The following TRPM8 variants were observed in gnomAD, a reference collection of about 807,000 sequenced individuals.
The protein encoded by TRPM8 is TRPM8 cationic channel.
A neutral mutation model predicts 133.7 loss-of-function variants in TRPM8; 110 were observed. The ratio of observed to expected loss-of-function variants is 0.82; its 90% CI spans 0.70 to 0.96. The LOEUF is 0.96. Ranked by LOEUF, TRPM8 falls within the 40% of genes least tolerant of loss-of-function variation. TRPM8 has a pLI of 0.00. For synonymous variants in TRPM8, 535 were observed against 532.3 expected (o/e 1.01, Z -0.07); for missense variants, 1,291 against 1,379.5 (o/e 0.94, Z 1.02).
chr2:233,945,927 C>A lies in TRPM8; in HGVS notation c.771C>A (p.His257Gln), dbSNP rs1438483645. The stretch of plus-strand genomic sequence containing the variant: ...CACTGTATATCCTGGACAACAACCA[C>A]ACACATTTGCTGCTCGTGGACAATG... Reference protein sequence around the residue: ...RDPLYILDNNHTHLLLVDNGC... With the variant: ...RDPLYILDNNQTHLLLVDNGC... The change falls in exon 7 of 26, where the codon CAC becomes CAA. Residue 257 changes from histidine (H) to glutamine (Q), a missense_variant. Physicochemically the swap from His to Gln is conservative, Grantham distance 24. Around this residue, in one of 2 missense-constraint regions of TRPM8, gnomAD observed 963 missense variants for 968.9 expected, o/e 0.99. Coordinates refer to ENST00000324695, the MANE Select transcript of TRPM8 (RefSeq NM_024080.5). 6.2e-7 allele frequency: 1 copy of A among 1,614,180 alleles called. No homozygotes were observed. Among genetic ancestry groups the A allele is most frequent in the Non-Finnish European group, 8.5e-7 (1 of 1,179,998 alleles).
At chr2:234,000,645 A>T (rs1047068423) in intron 22 of TRPM8, among the ~76,000 whole-genome samples, 1 of 151,502 alleles carries the variant, frequency 6.6e-6, no homozygotes, top group Non-Finnish European at 1.5e-5. Flanking sequence ...GTGACATAGG[A>T]GCCTTCATAA....
intron 22 of TRPM8, among the ~76,000 whole-genome samples, chr2:233,998,519 G>A (rs910514990): frequency 2.0e-5 from 3 of 151,176 alleles, no homozygotes; most frequent in Admixed American, 2.0e-4. Context: ...AGCAGCCTGC[G>A]CCCAACCAGT....
Position 234,017,302 on chromosome 2 carries a change from A to G in TRPM8, c.*46A>G, listed in dbSNP as rs1185842605. The G allele has an allele frequency of 6.4e-6, 3 of 470,958 alleles. No individual in the cohort carries two copies. Among genetic ancestry groups the G allele is most frequent in the African/African-American group, 4.0e-5 (2 of 50,074 alleles). 29.2% of individuals were successfully genotyped at this position (470,958 alleles called of 1,614,324 possible). On this transcript the variant is annotated 3_prime_UTR_variant, in exon 26 of 26. Transcript: ENST00000324695. ...TGTTCTTTCTTTGTTTTTACAGATC[A>G]TATTAAGGAATGCTGATGAACAATT...
chr2:233,939,102 C>G lies in TRPM8; in HGVS notation c.453C>G (p.Gly151=), dbSNP rs1276689507. Residue 151 remains glycine, a synonymous_variant, in exon 5 of 26, where the codon GGC becomes GGG. Coordinates refer to ENST00000324695, the MANE Select transcript of TRPM8 (RefSeq NM_024080.5). ...TPNLVISVTG[G]AKNFALKPRM... is the part of the protein sequence containing the mutation. ...ACCTGGTCATTTCTGTGACCGGGGGCGCCAAGAACTTCGCCCTGAAGCCGC... is the reference window on the plus strand; with the variant it reads ...ACCTGGTCATTTCTGTGACCGGGGGGGCCAAGAACTTCGCCCTGAAGCCGC... The G allele has an allele frequency of 4.3e-6, 7 of 1,614,054 alleles. No homozygotes were observed. The African/African-American group carries it at 8.0e-5, about 18-fold the overall frequency.
intron 15 of TRPM8, among the ~76,000 whole-genome samples, chr2:233,967,669 T>C (rs577447496): frequency 6.6e-6 from 1 of 152,340 alleles, no homozygotes; most frequent in African/African-American, 2.4e-5. Context: ...CATTTACTAC[T>C]GCAACTAAGC....
intron 6 of TRPM8, 162 bp downstream of exon 6, chr2:233,942,910 G>A (rs1690945936): frequency 1.4e-6 from 1 of 723,388 alleles, no homozygotes; most frequent in Admixed American, 2.3e-5. Context: ...TTGAAAACAA[G>A]GATGACGTAC....
At chr2:234,010,559 A>G (rs1338100628) in intron 24 of TRPM8, among the ~76,000 whole-genome samples, 1 of 152,112 alleles carries the variant, frequency 6.6e-6, no homozygotes, top group African/African-American at 2.4e-5. Flanking sequence ...GAACTTCTAT[A>G]CTGTTTTCCA....
Position 233,976,867 on chromosome 2 carries a change from G to C in TRPM8, c.2356-3321G>C, listed in dbSNP as rs28902198. 4.8e-3 allele frequency among the ~76,000 whole-genome samples: 732 copies of C among 152,142 alleles called. 7 individuals carry two copies. The highest frequency in any genetic ancestry group is 0.017 in the African/African-American group (699 of 41,496). ...ATCGTTAAAATAATCCGACACTTGG[G>C]GTCACTGTTTCTCTTCTGGTCTGCA... On this transcript the variant is annotated intron_variant, in intron 17 of 25. Transcript: ENST00000324695.
chr2:233,918,853 T>C (rs189762988), intron 1 of TRPM8, among the ~76,000 whole-genome samples: 8 of 152,300 alleles, frequency 5.3e-5, no homozygotes, highest in Admixed American at 1.3e-4. Flanking sequence ...TCTCTCTGGA[T>C]GGTGTCATTT....
intron 7 of TRPM8, 100 bp from the exon 8 acceptor site, chr2:233,946,988 C>T (rs1174779515): frequency 9.7e-7 from 1 of 1,036,136 alleles, no homozygotes; most frequent in Non-Finnish European, 1.5e-6. Context: ...CTCTCCACAC[C>T]CTAGGCTCAC....
At chr2:233,954,169 G>C in intron 10 of TRPM8, 150 bp downstream of exon 10, 1 of 519,250 alleles carries the variant, frequency 1.9e-6, no homozygotes, top group Non-Finnish European at 3.4e-6. Flanking sequence ...GAATAACTAC[G>C]CTTGTCCTGG....
rs1010576414 is a variant in TRPM8 at position 233,952,927 on chromosome 2, C to G, written c.1141-990C>G. 2.0e-5 allele frequency among the ~76,000 whole-genome samples: 3 copies of G among 152,150 alleles called. No individual in the cohort carries two copies. The East Asian group carries it at 5.8e-4, about 29-fold the overall frequency. On this transcript the variant is annotated intron_variant, in intron 9 of 25. Transcript: ENST00000324695. The stretch of plus-strand genomic sequence containing the variant: ...TTTTGGGACCTTCACCCCTCCTCCC[C>G]GCCTGTCAGTTCTAGCTGGACCCCT...
At chr2:234,007,684 T>C (rs1692727621) in intron 23 of TRPM8, among the ~76,000 whole-genome samples, 1 of 152,202 alleles carries the variant, frequency 6.6e-6, no homozygotes, top group African/African-American at 2.4e-5. Flanking sequence ...ACTAATACCT[T>C]TGCTGGGTTC....
At chr2:233,992,652 T>C (rs1452912542) in intron 21 of TRPM8, among the ~76,000 whole-genome samples, 2 of 152,096 alleles carry the variant, frequency 1.3e-5, no homozygotes, top group African/African-American at 4.8e-5. Context: ...GCCAGCTAGG[T>C]GTTTGCCAGG....
At chr2:234,016,244 G>A (rs1428253222) in intron 25 of TRPM8, among the ~76,000 whole-genome samples, 1 of 152,082 alleles carries the variant, frequency 6.6e-6, no homozygotes, top group Non-Finnish European at 1.5e-5. Context: ...AAAAAAAAGA[G>A]GAGCAAAAGA....
chr2:233,932,400 G>A (rs1691698394), intron 3 of TRPM8, among the ~76,000 whole-genome samples: 1 of 152,182 alleles, frequency 6.6e-6, no homozygotes, highest in Non-Finnish European at 1.5e-5. Context: ...GCTCTTAATG[G>A]TCTTGCTTGG....
At chr2:233,918,798 G>A (rs1022860256) in intron 1 of TRPM8, among the ~76,000 whole-genome samples, 3 of 152,146 alleles carry the variant, frequency 2.0e-5, no homozygotes, top group South Asian at 2.1e-4. Flanking sequence ...TGTAACCCTT[G>A]TATGCACCCC....
intron 21 of TRPM8, among the ~76,000 whole-genome samples, chr2:233,995,445 G>T (rs756539783): frequency 6.6e-6 from 1 of 152,170 alleles, no homozygotes; most frequent in African/African-American, 2.4e-5. Context: ...CCTCATGCTG[G>T]AAAGCAAATG....
chr2:233,955,263 C>G lies in TRPM8; in HGVS notation c.1362+13C>G. 1.9e-6 allele frequency: 3 copies of G among 1,600,662 alleles called. No homozygotes were observed. Among genetic ancestry groups the G allele is most frequent in the Non-Finnish European group, 2.6e-6 (3 of 1,167,956 alleles). On this transcript the variant is annotated intron_variant, in intron 11 of 25. Transcript: ENST00000324695. ...CCGCCGATGGGAGGTAAGCACGAAG[C>G]TCTCCTGGGTTATTCCAGTGTTGGG...
Sources: allele counts gnomAD v4.1 joint callset (sites outside exome capture counted in the v4.1 genomes callset), GRCh38; gene constraint gnomAD v4.1.1; regional missense constraint gnomAD v4.1.1; transcripts MANE v1.5; gene names NCBI Gene and HGNC (gene_info 2026-07-23, HGNC 2026-07-21).